SDC2: variants seen among roughly 807,000 people sequenced by gnomAD.
SDC2 encodes syndecan-2.
Under a neutral mutation model 22.2 loss-of-function variants are expected in SDC2, and 13 were observed. That is an observed-to-expected ratio of 0.59 (90% confidence interval 0.38 to 0.93). The LOEUF (loss-of-function observed/expected upper bound fraction) is 0.93, where lower values mean the gene tolerates loss of function less well. Ranked by LOEUF, SDC2 falls within the 40% of genes least tolerant of loss-of-function variation. The pLI, the probability that SDC2 is intolerant of heterozygous loss-of-function variation, is 0.00. For synonymous variants in SDC2, 94 were observed against 92.8 expected (o/e 1.01, Z -0.07); for missense variants, 235 against 246.8 (o/e 0.95, Z 0.32).
chr8:96,532,606 G>T (rs1025891438), intron 1 of SDC2, among the ~76,000 whole-genome samples: 1 of 152,020 alleles, frequency 6.6e-6, no homozygotes, highest in East Asian at 1.9e-4. Flanking sequence ...AAGAATGCAT[G>T]TAATGAGTAC....
At chr8:96,506,353 T>C (rs1020819378) in intron 1 of SDC2, among the ~76,000 whole-genome samples, 1 of 152,168 alleles carries the variant, frequency 6.6e-6, no homozygotes, top group Non-Finnish European at 1.5e-5. Context: ...CTATAATCTT[T>C]GGGGTCTTAA....
chr8:96,526,160 C>T (rs1201011549), intron 1 of SDC2, among the ~76,000 whole-genome samples: 2 of 152,104 alleles, frequency 1.3e-5, no homozygotes, highest in Non-Finnish European at 2.9e-5. Flanking sequence ...TCCTGTGGGC[C>T]TCCCCAAAGT....
intron 1 of SDC2, among the ~76,000 whole-genome samples, chr8:96,590,403 A>G (rs750105620): frequency 4.3e-4 from 65 of 152,166 alleles, no homozygotes; most frequent in Non-Finnish European, 8.1e-4. Context: ...TGTGCAGAGT[A>G]TGTCCCGAGG....
chr8:96,596,984 G>T (rs1053598131), intron 2 of SDC2, among the ~76,000 whole-genome samples: 1 of 152,128 alleles, frequency 6.6e-6, no homozygotes, highest in Non-Finnish European at 1.5e-5. Context: ...AGGATGATTG[G>T]CTGGAAGTCT....
chr8:96,580,267 C>T (rs997352505), intron 1 of SDC2: 2 of 453,116 alleles, frequency 4.4e-6, no homozygotes, highest in Non-Finnish European at 5.8e-6. Flanking sequence ...CTTTAGCCTC[C>T]AAAGCAGGAG....
chr8:96,574,045 AC>A (rs139881878), intron 1 of SDC2, among the ~76,000 whole-genome samples: 1 of 34,972 alleles, frequency 2.9e-5, no homozygotes, highest in Non-Finnish European at 5.8e-5. Flanking sequence ...TCCCCTCCAC[AC>A]CCCCTCCCCT....
chr8:96,557,414 G>A (rs1241389747), intron 1 of SDC2, among the ~76,000 whole-genome samples: 2 of 144,856 alleles, frequency 1.4e-5, no homozygotes, highest in Admixed American at 7.0e-5. Context: ...AGAAAATGTG[G>A]CACATATACA....
At chr8:96,551,003 G>A (rs532837926) in intron 1 of SDC2, among the ~76,000 whole-genome samples, 3 of 152,246 alleles carry the variant, frequency 2.0e-5, no homozygotes, top group South Asian at 4.2e-4. Context: ...TACTATTGGC[G>A]AGGGCTTGGA....
chr8:96,521,800 A>T (rs1199318181), intron 1 of SDC2, among the ~76,000 whole-genome samples: 2 of 152,152 alleles, frequency 1.3e-5, no homozygotes, highest in African/African-American at 4.8e-5. Flanking sequence ...TCACTAAAAC[A>T]TGTGTGCCTT....
At chr8:96,588,492 T>C (rs1271740131) in intron 1 of SDC2, among the ~76,000 whole-genome samples, 7 of 152,228 alleles carry the variant, frequency 4.6e-5, no homozygotes, top group Non-Finnish European at 8.8e-5. Flanking sequence ...TTTGGCACTT[T>C]GTAATCATCA....
chr8:96,536,951 C>A (rs1813764267), intron 1 of SDC2, among the ~76,000 whole-genome samples: 1 of 152,216 alleles, frequency 6.6e-6, no homozygotes, highest in African/African-American at 2.4e-5. Flanking sequence ...AGGAGTTTTA[C>A]ATCTGAATCT....
intron 1 of SDC2, among the ~76,000 whole-genome samples, chr8:96,533,391 C>T (rs1441854420): frequency 6.6e-6 from 1 of 152,082 alleles, no homozygotes; most frequent in Non-Finnish European, 1.5e-5. Flanking sequence ...CTGATTGGTG[C>T]GTTTACAATC....
At chr8:96,570,256 A>G (rs1233485838) in intron 1 of SDC2, among the ~76,000 whole-genome samples, 1 of 152,208 alleles carries the variant, frequency 6.6e-6, no homozygotes, top group African/African-American at 2.4e-5. Flanking sequence ...TCCTGTACAA[A>G]GGGAACGATA....
intron 1 of SDC2, among the ~76,000 whole-genome samples, chr8:96,519,714 G>A (rs149126937): frequency 4.3e-4 from 66 of 151,960 alleles, no homozygotes; most frequent in African/African-American, 1.6e-3. Context: ...GTGTAGTGGT[G>A]CAATCTCTCC....
At chr8:96,602,772 T>C (rs1015929385) in intron 3 of SDC2, among the ~76,000 whole-genome samples, 5 of 152,372 alleles carry the variant, frequency 3.3e-5, no homozygotes, top group East Asian at 3.9e-4. Context: ...TACCCACTTA[T>C]AATCTCTGTC....
At chr8:96,524,879 G>T (rs1813554048) in intron 1 of SDC2, among the ~76,000 whole-genome samples, 1 of 152,044 alleles carries the variant, frequency 6.6e-6, no homozygotes, top group South Asian at 2.1e-4. Flanking sequence ...TTTTTGTGTG[G>T]TTTACTGCTC....
intron 2 of SDC2, among the ~76,000 whole-genome samples, chr8:96,601,431 A>G (rs1814982080): frequency 6.6e-6 from 1 of 152,008 alleles, no homozygotes. Flanking sequence ...CACAAGGTCA[A>G]GAGATCCAGA....
chr8:96,606,023 C>T (rs1026621885), intron 3 of SDC2, among the ~76,000 whole-genome samples: 2 of 152,206 alleles, frequency 1.3e-5, no homozygotes, highest in Non-Finnish European at 2.9e-5. Context: ...CAATCATTTG[C>T]TTTGCTGAGC....
intron 1 of SDC2, among the ~76,000 whole-genome samples, chr8:96,499,452 A>G (rs1323777671): frequency 6.6e-6 from 1 of 152,208 alleles, no homozygotes; most frequent in Non-Finnish European, 1.5e-5. Flanking sequence ...TCACAGCATT[A>G]CCCCTTAATT....
Sources: gnomAD v4.1 joint callset for allele counts (sites outside exome capture counted in the v4.1 genomes callset) on GRCh38, gnomAD v4.1.1 for gene constraint, MANE v1.5 for transcripts, NCBI Gene and HGNC (gene_info 2026-07-23, HGNC 2026-07-21) for gene names.